The following BDNF variants were observed in gnomAD, a reference collection of about 807,000 sequenced individuals.
BDNF encodes the protein neurotrophic factor BDNF precursor form.
A neutral mutation model predicts 19.5 loss-of-function variants in BDNF; 1 was observed. The observed-to-expected ratio is 0.05, with a 90% CI of 0.02 to 0.24. The LOEUF is 0.24. Ranked by LOEUF, BDNF falls within the 10% of genes least tolerant of loss-of-function variation. BDNF has a pLI of 1.00. For missense variants in BDNF, 195 were observed against 317.6 expected (o/e 0.61, Z 2.93); for synonymous variants, 100 against 121.6 (o/e 0.82, Z 1.17).
At chr11:27,693,657 A>G (rs1858599560) in intron 1 of BDNF, among the ~76,000 whole-genome samples, 1 of 152,208 alleles carries the variant, frequency 6.6e-6, no homozygotes, top group Non-Finnish European at 1.5e-5. Context: ...CAGCAAAATG[A>G]CTGCAAATTT....
At chr11:27,687,058 T>C (rs968276456) in intron 1 of BDNF, among the ~76,000 whole-genome samples, 1 of 152,238 alleles carries the variant, frequency 6.6e-6, no homozygotes, top group Non-Finnish European at 1.5e-5. Flanking sequence ...AATGTAGGTT[T>C]GGTCTTTTCA....
chr11:27,718,361 C>CA (rs1554950429), intron 1 of BDNF, among the ~76,000 whole-genome samples: 4 of 144,160 alleles, frequency 2.8e-5, no homozygotes, highest in South Asian at 2.8e-4. Flanking sequence ...ACCACCCCCC[C>CA]CCGCCCCTCC....
At chr11:27,690,929 A>G (rs1219920466) in intron 1 of BDNF, among the ~76,000 whole-genome samples, 1 of 152,120 alleles carries the variant, frequency 6.6e-6, no homozygotes, top group Non-Finnish European at 1.5e-5. Flanking sequence ...ATAAAATCAT[A>G]GACTCAAACA....
chr11:27,658,478 T>C lies in BDNF; in HGVS notation c.87A>G (p.Gln29=). The part of the protein sequence containing the change: ...APMKEANIRG[Q]GGLAYPGVRT... ...GCACACCTGGGTAGGCCAAGCCACC[T>C]TGTCCTCGGATGTTTGCTTCTTTCA... Residue 29 remains glutamine, a synonymous_variant, in exon 2 of 2, where the codon CAA becomes CAG. Transcript: ENST00000356660. The surrounding 1 kb of genome is among the most constrained non-coding windows in gnomAD (Gnocchi z 5.7). The C allele has an allele frequency of 1.2e-6, 2 of 1,614,136 alleles. No homozygotes were observed. Among genetic ancestry groups the C allele is most frequent in the Non-Finnish European group, 1.7e-6 (2 of 1,180,036 alleles).
At chr11:27,701,364 A>C, upstream of BDNF, 4 of 1,065,290 alleles carry the variant, frequency 3.8e-6, no homozygotes, top group South Asian at 3.0e-5. Context: ...CGGCCCCAAA[A>C]CTCCCACACT....
upstream of BDNF, among the ~76,000 whole-genome samples, chr11:27,704,598 A>T (rs2134095859): frequency 6.6e-6 from 1 of 152,310 alleles, no homozygotes; most frequent in East Asian, 1.9e-4. Context: ...GCCTAAAAAA[A>T]CTGTTGAAAC....
intron 1 of BDNF, among the ~76,000 whole-genome samples, chr11:27,719,001 G>A (rs1030300791): frequency 6.6e-6 from 1 of 152,146 alleles, no homozygotes; most frequent in African/African-American, 2.4e-5. Flanking sequence ...CCTGAGAAGG[G>A]GGTGGGGGTG....
intron 1 of BDNF, chr11:27,659,080 T>C (rs572919257): frequency 2.0e-6 from 2 of 1,024,740 alleles, no homozygotes; most frequent in Admixed American, 5.2e-5. Flanking sequence ...TTTCTAGCTA[T>C]GTGATGTCTA....
chr11:27,700,633 A>AG (rs1437479911), upstream of BDNF: 3 of 985,940 alleles, frequency 3.0e-6, no homozygotes, highest in Non-Finnish European at 3.6e-6. Flanking sequence ...CGGGGAACCG[A>AG]GGGGCGCCCG....
At chr11:27,709,857 A>T (rs1477687497) in intron 1 of BDNF, among the ~76,000 whole-genome samples, 1 of 152,246 alleles carries the variant, frequency 6.6e-6, no homozygotes, top group Non-Finnish European at 1.5e-5. Context: ...CTCAGAAAGA[A>T]GAGATGATTT....
At chr11:27,693,716 A>G (rs1017801100) in intron 1 of BDNF, among the ~76,000 whole-genome samples, 2 of 152,254 alleles carry the variant, frequency 1.3e-5, no homozygotes, top group Admixed American at 1.3e-4. Context: ...TCTGTGTTTA[A>G]AAACACATTC....
At chr11:27,664,000 A>G (rs1853899191) in intron 1 of BDNF, among the ~76,000 whole-genome samples, 1 of 152,136 alleles carries the variant, frequency 6.6e-6, no homozygotes, top group Admixed American at 6.5e-5. Flanking sequence ...AAGGTGGGAA[A>G]ACAAGCAACA....
chr11:27,695,630 A>G (rs1455918914), intron 1 of BDNF, among the ~76,000 whole-genome samples: 1 of 152,188 alleles, frequency 6.6e-6, no homozygotes, highest in African/African-American at 2.4e-5. Flanking sequence ...AAAACTATAT[A>G]ACGTTCCTTA....
intron 1 of BDNF, among the ~76,000 whole-genome samples, chr11:27,695,272 C>T (rs1411436012): frequency 6.6e-6 from 1 of 151,764 alleles, no homozygotes; most frequent in Non-Finnish European, 1.5e-5. Context: ...TTTGAATTCC[C>T]ATTTTATAAA....
chr11:27,685,382 TG>T (rs1343959052), intron 1 of BDNF, among the ~76,000 whole-genome samples: 1 of 152,210 alleles, frequency 6.6e-6, no homozygotes, highest in African/African-American at 2.4e-5. Context: ...AAGGGTTTTT[TG>T]TGTCTCTAAT....
At chr11:27,659,790 AAATT>A (rs1234082193) in intron 1 of BDNF, 1 of 600,256 alleles carries the variant, frequency 1.7e-6, no homozygotes, top group African/African-American at 2.0e-5. Context: ...GCATACCACA[AAATT>A]AATCTCTTCC....
chr11:27,680,270 CA>C (rs1191747244), intron 1 of BDNF, among the ~76,000 whole-genome samples: 3 of 152,010 alleles, frequency 2.0e-5, no homozygotes, highest in Non-Finnish European at 4.4e-5. Context: ...AGGGCATTCC[CA>C]AAAAAGAGAA....
At chr11:27,718,567 G>GCCCGC (rs1055512619) in intron 1 of BDNF, among the ~76,000 whole-genome samples, 1 of 36,950 alleles carries the variant, frequency 2.7e-5, no homozygotes. Flanking sequence ...ACGCTCCCCT[G>GCCCGC]CCCGCCCCTC....
At chr11:27,718,432 A>G (rs551372067) in intron 1 of BDNF, among the ~76,000 whole-genome samples, 2 of 144,000 alleles carry the variant, frequency 1.4e-5, no homozygotes, top group African/African-American at 5.1e-5. Flanking sequence ...TATTTAAAAC[A>G]GCACCATCTG....
Sources: allele counts gnomAD v4.1 joint callset (sites outside exome capture counted in the v4.1 genomes callset), GRCh38; gene constraint gnomAD v4.1.1; non-coding constraint Gnocchi (gnomAD v3.1); transcripts MANE v1.5; gene names NCBI Gene and HGNC (gene_info 2026-07-23, HGNC 2026-07-21).